The following MACROD2 variants were observed in gnomAD, a reference collection of about 807,000 sequenced individuals.
MACROD2 encodes the protein ADP-ribose glycohydrolase MACROD2.
MACROD2 carries 36 observed loss-of-function variants against 70.4 expected under a neutral mutation model. The ratio of observed to expected loss-of-function variants is 0.51; its 90% CI spans 0.39 to 0.68. The LOEUF is 0.68. MACROD2 is among the 30% of genes least tolerant of loss of function. The probability of loss-of-function intolerance (pLI) is 0.00; values close to 1 mark genes in which losing one functional copy is unlikely to be tolerated. For missense variants in MACROD2, 496 were observed against 538.4 expected, an observed-to-expected ratio of 0.92 and a Z score of 0.78; for synonymous variants, 172 against 178.8, an observed-to-expected ratio of 0.96 and a Z score of 0.30.
intron 17 of MACROD2, among the ~76,000 whole-genome samples, chr20:16,045,848 G>A (rs561823588): frequency 4.6e-5 from 7 of 152,214 alleles, no homozygotes; most frequent in Non-Finnish European, 7.4e-5. Flanking sequence ...AATGGAGCTA[G>A]TCATGCTAAG....
chr20:14,356,843 C>T (rs2083177662), intron 3 of MACROD2, among the ~76,000 whole-genome samples: 1 of 152,098 alleles, frequency 6.6e-6, no homozygotes, highest in African/African-American at 2.4e-5. Flanking sequence ...GCACGGCTGG[C>T]ATATTGGCGC....
intron 2 of MACROD2, among the ~76,000 whole-genome samples, chr20:14,029,654 A>G (rs1476253473): frequency 6.6e-6 from 1 of 152,208 alleles, no homozygotes; most frequent in East Asian, 1.9e-4. Flanking sequence ...ATTTGCTGTC[A>G]TTGAAAGTAT....
At chr20:15,326,161 TG>T (rs1374293529) in intron 6 of MACROD2, among the ~76,000 whole-genome samples, 1 of 152,156 alleles carries the variant, frequency 6.6e-6, no homozygotes, top group Non-Finnish European at 1.5e-5. Context: ...AAAATTGTTT[TG>T]GAAAAAATGT....
intron 4 of MACROD2, among the ~76,000 whole-genome samples, chr20:14,675,956 A>G (rs1443750765): frequency 6.6e-6 from 1 of 152,146 alleles, no homozygotes; most frequent in African/African-American, 2.4e-5. Context: ...AGACAAAGGC[A>G]TTACATAATG....
intron 5 of MACROD2, chr20:14,894,526 A>G (rs1343475753): frequency 1.3e-5 from 2 of 152,050 alleles, no homozygotes; most frequent in Non-Finnish European, 2.9e-5. Context: ...CCTGGCTTTT[A>G]CCTCTACTTT....
rs914224146 is a variant in MACROD2, at chr20:15,446,617, G to A, written c.571+15182G>A. On this transcript the variant is annotated intron_variant, in intron 7 of 17. Coordinates refer to ENST00000684519, the MANE Select transcript of MACROD2 (RefSeq NM_001351661.2). The stretch of plus-strand genomic sequence containing the variant: ...CAGGCATTCAACCAAACTTGCGAAC[G>A]CCAGCCCTTGCATATAATTACAGGA... 5.9e-5 allele frequency among the ~76,000 whole-genome samples: 9 copies of A among 152,144 alleles called. 1 individual carries two copies. The highest frequency in any genetic ancestry group is 3.9e-4 in the Admixed American group (6 of 15,264).
chr20:15,164,708 C>A (rs1166665246), intron 5 of MACROD2, among the ~76,000 whole-genome samples: 1 of 151,996 alleles, frequency 6.6e-6, no homozygotes, highest in South Asian at 2.1e-4. Flanking sequence ...CCAGCCAGGG[C>A]AACATAGCAA....
At chr20:14,020,661 AT>A (rs2053063552) in intron 2 of MACROD2, among the ~76,000 whole-genome samples, 2 of 151,934 alleles carry the variant, frequency 1.3e-5, no homozygotes, top group African/African-American at 4.8e-5. Context: ...CGTTTTATTT[AT>A]TGATTGATTG....
At chr20:14,686,173 A>G (rs963523833) in intron 5 of MACROD2, among the ~76,000 whole-genome samples, 11 of 152,144 alleles carry the variant, frequency 7.2e-5, no homozygotes, top group African/African-American at 2.7e-4. Flanking sequence ...TATAATACAG[A>G]TTGAGTATTC....
chr20:15,696,467 A>G (rs967253336), intron 8 of MACROD2, among the ~76,000 whole-genome samples: 1 of 151,994 alleles, frequency 6.6e-6, no homozygotes, highest in Non-Finnish European at 1.5e-5. Flanking sequence ...TAAGGATTTT[A>G]GCGTCTATGT....
intron 4 of MACROD2, among the ~76,000 whole-genome samples, chr20:14,635,405 T>C (rs909664903): frequency 5.3e-5 from 8 of 151,996 alleles, no homozygotes; most frequent in African/African-American, 1.9e-4. Context: ...TTTCCAACTT[T>C]CCAAAAAGCA....
intron 6 of MACROD2, among the ~76,000 whole-genome samples, chr20:15,263,440 G>A (rs1216925900): frequency 6.6e-6 from 1 of 151,960 alleles, no homozygotes; most frequent in East Asian, 1.9e-4. Flanking sequence ...TAGCTCTGTA[G>A]CATAATTTGA....
At chr20:14,270,320 A>G (rs911387) in intron 3 of MACROD2, among the ~76,000 whole-genome samples, 97,505 of 152,060 alleles carry the variant, frequency 0.64, 32,733 homozygotes, top group Non-Finnish European at 0.75. Flanking sequence ...AACCGGGCAC[A>G]GTGGCTTATG....
chr20:15,772,084 C>CAAAAAAAAAAAAAA (rs753205618), intron 8 of MACROD2, among the ~76,000 whole-genome samples: 2 of 70,710 alleles, frequency 2.8e-5, no homozygotes, highest in Non-Finnish European at 5.2e-5. Context: ...GACTCGGTCT[C>CAAAAAAAAAAAAAA]AAAAAAAAAA....
intron 3 of MACROD2, among the ~76,000 whole-genome samples, chr20:14,423,735 C>A (rs1600224278): frequency 6.8e-6 from 1 of 146,096 alleles, no homozygotes; most frequent in Admixed American, 6.8e-5. Context: ...TTCTAGTCCA[C>A]CATTTTGCTG....
chr20:14,213,218 T>G (rs775944678), intron 3 of MACROD2, among the ~76,000 whole-genome samples: 1 of 151,650 alleles, frequency 6.6e-6, no homozygotes, highest in Admixed American at 6.6e-5. Context: ...TTTTTAAAAC[T>G]CACTATAGTA....
At chr20:14,887,502 C>G (rs990214452) in intron 5 of MACROD2, among the ~76,000 whole-genome samples, 4 of 151,534 alleles carry the variant, frequency 2.6e-5, no homozygotes, top group African/African-American at 9.7e-5. Flanking sequence ...AAGTGATCCT[C>G]CTGCCTCAGC....
At chr20:14,762,179 A>G (rs1407684874) in intron 5 of MACROD2, among the ~76,000 whole-genome samples, 1 of 152,112 alleles carries the variant, frequency 6.6e-6, no homozygotes, top group Non-Finnish European at 1.5e-5. Context: ...AGAGATTGGC[A>G]GTCACTTTTA....
At chr20:15,265,774 G>C (rs1474200703) in intron 6 of MACROD2, among the ~76,000 whole-genome samples, 2 of 151,952 alleles carry the variant, frequency 1.3e-5, no homozygotes, top group African/African-American at 4.8e-5. Context: ...TTTTGAATTA[G>C]GTTGCTATGT....
Sources: gnomAD v4.1 joint callset for allele counts (sites outside exome capture counted in the v4.1 genomes callset) on GRCh38, gnomAD v4.1.1 for gene constraint, MANE v1.5 for transcripts, NCBI Gene and HGNC (gene_info 2026-07-23, HGNC 2026-07-21) for gene names.